Variants in CACNA1C observed in about 807,000 individuals in gnomAD.
CACNA1C encodes the protein calcium voltage-gated channel subunit alpha1 C.
In CACNA1C, 30 loss-of-function variants were observed where a neutral mutation model predicts 229.0. The ratio of observed to expected loss-of-function variants is 0.13; its 90% CI spans 0.10 to 0.18. The LOEUF (loss-of-function observed/expected upper bound fraction) is 0.18. Among genes scored for constraint, CACNA1C ranks in the 10% least tolerant of loss-of-function variants. The pLI is 1.00. For missense variants in CACNA1C, 1,658 were observed against 2,845.0 expected (o/e 0.58, Z 9.49); for synonymous variants, 1,114 against 1,132.5 (o/e 0.98, Z 0.33).
intron 3 of CACNA1C, among the ~76,000 whole-genome samples, chr12:2,122,057 C>A (rs1434406555): frequency 6.6e-6 from 1 of 152,138 alleles, no homozygotes; most frequent in Non-Finnish European, 1.5e-5. Context: ...GAGGGAAGCC[C>A]TGGGCTGGCT....
At chr12:2,249,884 C>T (rs2074940902) in intron 3 of CACNA1C, among the ~76,000 whole-genome samples, 1 of 151,818 alleles carries the variant, frequency 6.6e-6, no homozygotes, top group African/African-American at 2.4e-5. Flanking sequence ...GATTCTCCTG[C>T]CTCAAGCTCC....
At chr12:2,327,918 TC>T (rs2096391432) in intron 3 of CACNA1C, among the ~76,000 whole-genome samples, 1 of 152,168 alleles carries the variant, frequency 6.6e-6, no homozygotes, top group African/African-American at 2.4e-5. Flanking sequence ...CTCAGATGGT[TC>T]CTCACCTTAC....
chr12:2,109,705 G>T (rs1363048729), intron 1 of CACNA1C, among the ~76,000 whole-genome samples: 1 of 152,232 alleles, frequency 6.6e-6, no homozygotes, highest in Non-Finnish European at 1.5e-5. Context: ...GCTTGGGGAT[G>T]GCCAAGAGTG....
intron 4 of CACNA1C, among the ~76,000 whole-genome samples, chr12:2,451,858 C>T (rs970222390): frequency 6.6e-6 from 1 of 152,216 alleles, no homozygotes; most frequent in African/African-American, 2.4e-5. Context: ...TTGCCCAGCT[C>T]GTGGTTGGTC....
chr12:2,095,156 G>T (rs968925325), intron 1 of CACNA1C, among the ~76,000 whole-genome samples: 1 of 152,186 alleles, frequency 6.6e-6, no homozygotes, highest in African/African-American at 2.4e-5. Flanking sequence ...GGAGGTGGCT[G>T]CTGTAATTCA....
chr12:2,097,397 C>CA (rs1488517858), intron 1 of CACNA1C, among the ~76,000 whole-genome samples: 15 of 152,062 alleles, frequency 9.9e-5, no homozygotes, highest in Non-Finnish European at 2.1e-4. Context: ...CCGCCCGCCT[C>CA]GACCTCCCAA....
intron 3 of CACNA1C, among the ~76,000 whole-genome samples, chr12:2,227,924 C>T (rs2063503993): frequency 6.6e-6 from 1 of 152,166 alleles, no homozygotes; most frequent in Non-Finnish European, 1.5e-5. Context: ...ACTTTAAATT[C>T]CCTGAACTCA....
chr12:2,175,563 G>A (rs952256116), intron 3 of CACNA1C, among the ~76,000 whole-genome samples: 76 of 151,984 alleles, frequency 5.0e-4, no homozygotes, highest in Admixed American at 1.3e-3. Flanking sequence ...GGGTGGGTGG[G>A]CTCCGGGATT....
At chr12:2,006,715 C>G (rs1282441187) in intron 1 of CACNA1C, among the ~76,000 whole-genome samples, 1 of 152,198 alleles carries the variant, frequency 6.6e-6, no homozygotes, top group Non-Finnish European at 1.5e-5. Context: ...GACTCCCAAG[C>G]CTAACTTCCC....
At chr12:2,662,699 G>A (rs1175443568) in intron 34 of CACNA1C, among the ~76,000 whole-genome samples, 2 of 152,200 alleles carry the variant, frequency 1.3e-5, no homozygotes, top group African/African-American at 2.4e-5. Flanking sequence ...AGAACAACAG[G>A]TTGGCAGGAC....
intron 3 of CACNA1C, among the ~76,000 whole-genome samples, chr12:2,379,409 T>C (rs1489142838): frequency 6.6e-6 from 1 of 152,170 alleles, no homozygotes; most frequent in East Asian, 1.9e-4. Flanking sequence ...CATTTTAGCA[T>C]AAGTGGAAAA....
At chr12:1,985,526 G>C (rs1306009563) in intron 1 of CACNA1C, among the ~76,000 whole-genome samples, 2 of 152,114 alleles carry the variant, frequency 1.3e-5, no homozygotes, top group Non-Finnish European at 2.9e-5. Context: ...TTACCTCACA[G>C]AGCATGGTAA....
At chr12:2,004,241 C>T in intron 1 of CACNA1C, 1 of 1,610,450 alleles carries the variant, frequency 6.2e-7, no homozygotes, top group Non-Finnish European at 8.5e-7. Context: ...CCGCCTCCAC[C>T]CCAACCCTGG....
At chr12:2,450,418 G>A (rs1344630750) in intron 4 of CACNA1C, among the ~76,000 whole-genome samples, 4 of 151,714 alleles carry the variant, frequency 2.6e-5, no homozygotes, top group Non-Finnish European at 4.4e-5. Flanking sequence ...GCCGGGCGAG[G>A]TGGCGGGCGC....
intron 3 of CACNA1C, among the ~76,000 whole-genome samples, chr12:2,310,750 A>G (rs1382088034): frequency 6.6e-6 from 1 of 152,192 alleles, no homozygotes; most frequent in Non-Finnish European, 1.5e-5. Context: ...TGGGCATGAG[A>G]GATGCCAAGG....
intron 30 of CACNA1C, among the ~76,000 whole-genome samples, chr12:2,638,858 T>C (rs1441138653): frequency 6.6e-6 from 1 of 151,948 alleles, no homozygotes; most frequent in African/African-American, 2.4e-5. Flanking sequence ...TTTTGACGTA[T>C]CTGTTAGCCC....
At chr12:2,236,636 A>G (rs551223658) in intron 3 of CACNA1C, among the ~76,000 whole-genome samples, 1 of 152,222 alleles carries the variant, frequency 6.6e-6, no homozygotes, top group East Asian at 1.9e-4. Flanking sequence ...AGTTACCATT[A>G]TATGCAGTTC....
intron 1 of CACNA1C, among the ~76,000 whole-genome samples, chr12:2,038,538 A>G (rs2154493877): frequency 6.6e-6 from 1 of 152,318 alleles, no homozygotes; most frequent in South Asian, 2.1e-4. Flanking sequence ...ATGTTTGGCC[A>G]CTTAAGATAC....
Position 2,025,301 on chromosome 12 carries a change from C to T in CACNA1C, c.139+54100C>T, listed in dbSNP as rs115503865. On this transcript the variant is annotated intron_variant, in intron 1 of 46. Transcript: ENST00000682462. The stretch of plus-strand genomic sequence containing the variant: ...ACAGAACATCTGGAAGAGCTGATTC[C>T]AAGCGGTGGTGTCTCAGCACAGCTG... Among the ~76,000 whole-genome samples the T allele has an allele frequency of 4.3e-3, 651 of 152,306 alleles. 3 individuals carry two copies. The highest frequency in any genetic ancestry group is 0.015 in the African/African-American group (618 of 41,572).
Sources: allele counts gnomAD v4.1 joint callset (sites outside exome capture counted in the v4.1 genomes callset), GRCh38; gene constraint gnomAD v4.1.1; transcripts MANE v1.5; gene names NCBI Gene and HGNC (gene_info 2026-07-23, HGNC 2026-07-21).